The following TNKS1BP1 variants were observed in gnomAD, a reference collection of about 807,000 sequenced individuals.
TNKS1BP1 encodes 182 kDa tankyrase-1-binding protein.
In TNKS1BP1, 48 loss-of-function variants were observed where a neutral mutation model predicts 141.1. That is an observed-to-expected ratio of 0.34 (90% CI 0.27 to 0.43). TNKS1BP1 has a LOEUF of 0.43. TNKS1BP1 is among the 20% of genes least tolerant of loss of function. The probability of loss-of-function intolerance (pLI) is 1.00; values close to 1 mark genes in which losing one functional copy is unlikely to be tolerated. For synonymous variants in TNKS1BP1, 875 were observed against 898.2 expected (o/e 0.97, Z 0.46); for missense variants, 2,149 against 2,226.0 (o/e 0.97, Z 0.70).
Position 57,324,850 on chromosome 11 carries a change from G to C in TNKS1BP1, c.-76C>G. On this transcript the variant is annotated 5_prime_UTR_variant, in exon 1 of 12. Transcript: ENST00000358252. ...CCCCCGCGCACTCACGCGCTCGCCCGGGGTCCGGCTCCGCTCGGCTCGGGG... is the reference window on the plus strand; with the variant it reads ...CCCCCGCGCACTCACGCGCTCGCCCCGGGTCCGGCTCCGCTCGGCTCGGGG... 1 of 984,004 alleles carries C rather than the reference G, an allele frequency of 1.0e-6. No homozygotes were observed. The highest frequency in any genetic ancestry group is 4.5e-5 in the South Asian group (1 of 22,048). 61.0% of individuals were successfully genotyped at this position (984,004 alleles called of 1,614,324 possible). A position where few individuals can be genotyped will look rare whatever the true frequency, so the allele number is the denominator to read the frequency against.
intron 6 of TNKS1BP1, among the ~76,000 whole-genome samples, chr11:57,306,137 G>A (rs1389078613): frequency 6.6e-6 from 1 of 152,258 alleles, no homozygotes; most frequent in East Asian, 1.9e-4. Flanking sequence ...AATTAGCCGG[G>A]CGTGGTGATG....
intron 2 of TNKS1BP1, 44 bp downstream of exon 2, chr11:57,321,743 TTCCCA>T: frequency 2.9e-5 from 35 of 1,186,644 alleles, no homozygotes; most frequent in Non-Finnish European, 4.1e-5. Context: ...GCCTCTGTCC[TTCCCA>T]CCCCCCTCCC....
chr11:57,300,796 A>G, intron 10 of TNKS1BP1, 88 bp downstream of exon 10: 1 of 1,549,678 alleles, frequency 6.5e-7, no homozygotes, highest in Non-Finnish European at 8.7e-7. Flanking sequence ...TTTGAGCCTC[A>G]GTTTGCCTCT....
At position 57,308,510 on chromosome 11, in the gene TNKS1BP1, C is replaced by A. The variant is rs760079789; in HGVS notation, c.4201G>T (p.Val1401Phe). ...RDPLEARELG[V>F]GETSGPETQG... ...GTCTCTGGCCCACTTGTCTCACCAA[C>A]CCCCAGCTCCCTGGCCTCCAAGGGG... is the stretch of plus-strand genomic sequence containing the variant. Residue 1401 changes from valine (V) to phenylalanine (F), a missense_variant, in exon 6 of 12, where the codon GTT becomes TTT. Physicochemically the swap from Val to Phe is conservative, Grantham distance 50. Coordinates refer to ENST00000358252, the MANE Select transcript of TNKS1BP1 (RefSeq NM_033396.3). 6.2e-7 allele frequency: 1 copy of A among 1,614,182 alleles called. No homozygotes were observed. The highest frequency in any genetic ancestry group is 8.5e-7 in the Non-Finnish European group (1 of 1,180,030).
chr11:57,319,177 C>T (rs1590594958), intron 3 of TNKS1BP1, among the ~76,000 whole-genome samples: 2 of 151,442 alleles, frequency 1.3e-5, no homozygotes, highest in Non-Finnish European at 2.9e-5. Flanking sequence ...ATGTGTTCCT[C>T]TCTTACCTCT....
intron 6 of TNKS1BP1, among the ~76,000 whole-genome samples, chr11:57,307,119 G>T (rs556488528): frequency 6.6e-6 from 1 of 152,150 alleles, no homozygotes; most frequent in Non-Finnish European, 1.5e-5. Context: ...TTAAGCATGG[G>T]GTGTGCAAAG....
chr11:57,304,105 C>T (rs1855571217), intron 6 of TNKS1BP1, among the ~76,000 whole-genome samples: 1 of 152,054 alleles, frequency 6.6e-6, no homozygotes, highest in Admixed American at 6.5e-5. Flanking sequence ...CACAAACACA[C>T]GCATCCCCGC....
intron 1 of TNKS1BP1, among the ~76,000 whole-genome samples, 198 bp downstream of exon 1, chr11:57,324,642 C>T (rs1385424281): frequency 6.6e-6 from 1 of 151,696 alleles, no homozygotes; most frequent in African/African-American, 2.4e-5. Flanking sequence ...CCTCCGCCTC[C>T]GCGCACACGC....
In TNKS1BP1 at chr11:57,306,087, G is replaced by A. The variant is rs1224960189; in HGVS notation, c.4316+2308C>T. Among the ~76,000 whole-genome samples, 4 of 152,076 alleles carry A rather than the reference G, an allele frequency of 2.6e-5. No homozygotes were observed. In the South Asian group the frequency reaches 8.3e-4, roughly 31 times the overall value. On this transcript the variant is annotated intron_variant, in intron 6 of 11. Coordinates refer to ENST00000358252, the MANE Select transcript of TNKS1BP1 (RefSeq NM_033396.3). ...TCTGTCTGGAGTTCAAGACCAGCCTGGCCAACATGGTGAAACCCCATCTCT... is the reference window on the plus strand; with the variant it reads ...TCTGTCTGGAGTTCAAGACCAGCCTAGCCAACATGGTGAAACCCCATCTCT...
chr11:57,300,539 C>T lies in TNKS1BP1; in HGVS notation c.*1G>A. 4 of 1,614,236 alleles carry T rather than the reference C, an allele frequency of 2.5e-6. No individual in the cohort carries two copies. The highest frequency in any genetic ancestry group is 3.4e-6 in the Non-Finnish European group (4 of 1,180,036). Reference sequence around the variant, plus strand: ...GAACCTGTCCTCACCTCAGTGACTTCTCAGACCTTCTTCTTCTTCAGTTTC... The same window carrying T: ...GAACCTGTCCTCACCTCAGTGACTTTTCAGACCTTCTTCTTCTTCAGTTTC... On this transcript the variant is annotated 3_prime_UTR_variant, in exon 11 of 12. Transcript: ENST00000358252.
Position 57,300,558 on chromosome 11 carries a change from C to T in TNKS1BP1, c.5172G>A (p.Leu1724=). The T allele has an allele frequency of 6.2e-7, 1 of 1,614,264 alleles. No individual in the cohort carries two copies. Among genetic ancestry groups the T allele is most frequent in the Non-Finnish European group, 8.5e-7 (1 of 1,180,054 alleles). The change falls in exon 11 of 12, where the codon CTG becomes CTA. Residue 1724 remains leucine, a synonymous_variant. Coordinates refer to ENST00000358252, the MANE Select transcript of TNKS1BP1 (RefSeq NM_033396.3). ...TGACTTCTCAGACCTTCTTCTTCTT[C>T]AGTTTCAGGGCTTGAAGCCAGTTGG... ...SSPNWLQALK[L]KKKKV is the part of the protein sequence containing the mutation.
In TNKS1BP1 at chr11:57,321,959, AGAG is replaced by A; in HGVS notation, c.-65-12_-65-10del. On this transcript the variant is annotated splice_polypyrimidine_tract_variant and intron_variant, in intron 1 of 11. Coordinates refer to ENST00000358252, the MANE Select transcript of TNKS1BP1 (RefSeq NM_033396.3). ...CTGGGGTGGCTGCAGACCTAGGAAAAGAGAGAGAAGAGAAGGAAAAAAAGAGTT... is the reference window on the plus strand; with the variant it reads ...CTGGGGTGGCTGCAGACCTAGGAAAAAGAGAAGAGAAGGAAAAAAAGAGTT... The A allele has an allele frequency of 6.4e-7, 1 of 1,569,008 alleles. No individual in the cohort carries two copies. Among genetic ancestry groups the A allele is most frequent in the Non-Finnish European group, 8.6e-7 (1 of 1,159,282 alleles).
At chr11:57,301,702 A>G in intron 9 of TNKS1BP1, 105 bp downstream of exon 9, 1 of 1,447,486 alleles carries the variant, frequency 6.9e-7, no homozygotes, top group African/African-American at 1.4e-5. Flanking sequence ...GGAATGGGAG[A>G]GGGGGACAGG....
At position 57,324,898 on chromosome 11, in the gene TNKS1BP1, C is replaced by T. The variant is rs1855945516; in HGVS notation, c.-124G>A. The T allele has an allele frequency of 1.0e-6, 1 of 982,724 alleles. No individual in the cohort carries two copies. Among genetic ancestry groups the T allele is most frequent in the Non-Finnish European group, 1.2e-6 (1 of 827,106 alleles). The allele number at this position is 982,724 out of a possible 1,614,324, so 60.9% of individuals were successfully genotyped here. On this transcript the variant is annotated 5_prime_UTR_variant, in exon 1 of 12. Coordinates refer to ENST00000358252, the MANE Select transcript of TNKS1BP1 (RefSeq NM_033396.3). Reference sequence around the variant, plus strand: ...GGGCCCCGATGCCAGTCCCCGCCGCCGCCGCCGCTGCTACCGCCGCCGCCG... The same window carrying T: ...GGGCCCCGATGCCAGTCCCCGCCGCTGCCGCCGCTGCTACCGCCGCCGCCG...
chr11:57,303,944 C>T (rs932059170), intron 6 of TNKS1BP1, among the ~76,000 whole-genome samples: 8 of 152,092 alleles, frequency 5.3e-5, no homozygotes, highest in Middle Eastern at 3.2e-3. Flanking sequence ...TCATACTGCC[C>T]GCCCTGTCCA....
At chr11:57,300,767 T>C in intron 10 of TNKS1BP1, 117 bp downstream of exon 10, 1 of 1,504,656 alleles carries the variant, frequency 6.6e-7, no homozygotes, top group East Asian at 2.3e-5. Flanking sequence ...ATCTGGGGCA[T>C]GTCCGACTGA....
At chr11:57,311,172 G>T in intron 5 of TNKS1BP1, 1 of 939,788 alleles carries the variant, frequency 1.1e-6, no homozygotes, top group Non-Finnish European at 1.3e-6. Flanking sequence ...GCAGCCTCTG[G>T]CACAGGGGAA....
chr11:57,301,640 C>T (rs905174389), intron 9 of TNKS1BP1, among the ~76,000 whole-genome samples, 167 bp downstream of exon 9: 1 of 152,046 alleles, frequency 6.6e-6, no homozygotes, highest in East Asian at 1.9e-4. Flanking sequence ...TAGGGCCCGG[C>T]GGGGCACAAA....
Position 57,313,540 on chromosome 11 carries a change from G to T in TNKS1BP1, c.1148C>A (p.Pro383His), listed in dbSNP as rs1243297516. The T allele has an allele frequency of 1.9e-6, 3 of 1,572,672 alleles. No individual in the cohort carries two copies. The African/African-American group carries it at 4.1e-5, about 21-fold the overall frequency. Reference sequence around the variant, plus strand: ...CAGGGGCCGGGGTGAGGTGGCAGGGGGCTGATCCAGGCTATGGGGCTCCAA... The same window carrying T: ...CAGGGGCCGGGGTGAGGTGGCAGGGTGCTGATCCAGGCTATGGGGCTCCAA... ...EVLEPHSLDQPPATSPRPLIE... is the reference protein window; with the variant it reads ...EVLEPHSLDQHPATSPRPLIE... Residue 383 changes from proline (P) to histidine (H), a missense_variant, in exon 5 of 12, where the codon CCC becomes CAC. Pro to His is a moderately conservative substitution (Grantham distance 77, BLOSUM62 -2). Coordinates refer to ENST00000358252, the MANE Select transcript of TNKS1BP1 (RefSeq NM_033396.3).
Sources: allele counts gnomAD v4.1 joint callset (sites outside exome capture counted in the v4.1 genomes callset), GRCh38; gene constraint gnomAD v4.1.1; transcripts MANE v1.5; gene names NCBI Gene and HGNC (gene_info 2026-07-23, HGNC 2026-07-21).